ITGB3BP: variants seen among roughly 807,000 people sequenced by gnomAD.
The protein encoded by ITGB3BP is centromere protein R.
ITGB3BP carries 27 observed loss-of-function variants against 29.1 expected under a neutral mutation model. That is an observed-to-expected ratio of 0.93 (90% CI 0.68 to 1.28). The LOEUF (loss-of-function observed/expected upper bound fraction) is 1.28, where lower values mean the gene tolerates loss of function less well. Ranked by LOEUF, ITGB3BP falls within the 50% of genes most tolerant of loss-of-function variation. The pLI is 0.00. For synonymous variants in ITGB3BP, 61 were observed against 61.4 expected (o/e 0.99, Z 0.03); for missense variants, 192 against 200.2 (o/e 0.96, Z 0.25).
chr1:63,457,545 C>T (rs1206103070), intron 4 of ITGB3BP: 2 of 152,120 alleles, frequency 1.3e-5, no homozygotes, highest in Non-Finnish European at 2.9e-5. Flanking sequence ...AACCAACGAT[C>T]TTTCATTTCT....
chr1:63,458,797 C>T (rs559465505), intron 4 of ITGB3BP, among the ~76,000 whole-genome samples: 1 of 152,132 alleles, frequency 6.6e-6, no homozygotes, highest in African/African-American at 2.4e-5. Context: ...TGGGAGGGAC[C>T]CAGTAACTAT....
At chr1:63,470,052 T>C (rs1557621652) in intron 4 of ITGB3BP, among the ~76,000 whole-genome samples, 1 of 152,262 alleles carries the variant, frequency 6.6e-6, no homozygotes, top group African/African-American at 2.4e-5. Context: ...TAGCCCAACC[T>C]ATTCCTTTAA....
At chr1:63,501,791 G>T (rs1409697268) in intron 2 of ITGB3BP, among the ~76,000 whole-genome samples, 1 of 152,010 alleles carries the variant, frequency 6.6e-6, no homozygotes, top group African/African-American at 2.4e-5. Flanking sequence ...GAGCCCAGAA[G>T]GTTGAGGCTG....
chr1:63,510,709 G>A (rs1341266473), intron 1 of ITGB3BP, among the ~76,000 whole-genome samples: 1 of 152,152 alleles, frequency 6.6e-6, no homozygotes, highest in Non-Finnish European at 1.5e-5. Flanking sequence ...TCTTGAGGGA[G>A]AGAAACTCAG....
intron 7 of ITGB3BP, 45 bp from the exon 8 acceptor site, chr1:63,446,901 A>G: frequency 8.7e-7 from 1 of 1,151,624 alleles, no homozygotes; most frequent in Non-Finnish European, 1.3e-6. Context: ...AACAATTCAA[A>G]GCAACTTGCC....
intron 3 of ITGB3BP, among the ~76,000 whole-genome samples, chr1:63,479,106 G>C (rs890430663): frequency 1.3e-5 from 2 of 151,920 alleles, no homozygotes; most frequent in Non-Finnish European, 2.9e-5. Context: ...CTATAATTAG[G>C]TTAAAATGCA....
chr1:63,444,632 GAT>G (rs1362539231), intron 8 of ITGB3BP, among the ~76,000 whole-genome samples: 1 of 105,452 alleles, frequency 9.5e-6, no homozygotes, highest in East Asian at 3.1e-4. Flanking sequence ...ACATATAGGA[GAT>G]ATATATATAT....
Position 63,523,218 on chromosome 1 carries a change from C to G in ITGB3BP, c.-85G>C. 3.8e-6 allele frequency: 6 copies of G among 1,592,538 alleles called. No homozygotes were observed. Among genetic ancestry groups the G allele is most frequent in the Non-Finnish European group, 5.2e-6 (6 of 1,162,666 alleles). On this transcript the variant is annotated 5_prime_UTR_variant, in exon 1 of 9. Coordinates refer to ENST00000271002, the MANE Select transcript of ITGB3BP (RefSeq NM_014288.5). ...ACAGAAAATCCGCCAAAGGAAACGCCAAGGCATGAAAAGCGCGCGCTGGAC... is the reference window on the plus strand; with the variant it reads ...ACAGAAAATCCGCCAAAGGAAACGCGAAGGCATGAAAAGCGCGCGCTGGAC...
Position 63,478,819 on chromosome 1 carries a change from A to T in ITGB3BP, c.199T>A (p.Leu67Met). ...NGLSNEKRKK[L>M]NHPSLTESKE... ...CTTTCAGTTAAACTGGGGTGATTCA[A>T]TTTTTTTCTCTTTTCTATATATGTG... The change falls in exon 4 of 9, where the codon TTG (leucine) becomes ATG (methionine). Residue 67 changes from leucine (L) to methionine (M), a missense_variant. Physicochemically the swap from Leu to Met is conservative, Grantham distance 15. Transcript: ENST00000271002. 1 of 1,389,872 alleles carries T rather than the reference A, an allele frequency of 7.2e-7. No individual in the cohort carries two copies. Among genetic ancestry groups the T allele is most frequent in the Non-Finnish European group, 9.8e-7 (1 of 1,020,218 alleles). The allele number at this position is 1,389,872 out of a possible 1,614,324, so 86.1% of individuals were successfully genotyped here. A position where few individuals can be genotyped will look rare whatever the true frequency, so the allele number is the denominator to read the frequency against.
chr1:63,522,896 GA>G (rs1446183102), intron 1 of ITGB3BP: 2 of 703,592 alleles, frequency 2.8e-6, no homozygotes, highest in Non-Finnish European at 5.2e-6. Context: ...CACAGTTTAC[GA>G]AATCTGTCAA....
chr1:63,517,163 A>G (rs886632211), intron 1 of ITGB3BP, among the ~76,000 whole-genome samples: 3 of 152,118 alleles, frequency 2.0e-5, no homozygotes, highest in African/African-American at 7.2e-5. Context: ...AAAAAGATCC[A>G]TTTTAAACAG....
chr1:63,443,085 A>C (rs1349372794), intron 8 of ITGB3BP: 4 of 152,184 alleles, frequency 2.6e-5, no homozygotes, highest in African/African-American at 9.7e-5. Flanking sequence ...AGTCCTCCCC[A>C]CTGAACAATT....
chr1:63,486,780 A>G (rs1040215005), intron 3 of ITGB3BP, among the ~76,000 whole-genome samples: 1 of 152,038 alleles, frequency 6.6e-6, no homozygotes, highest in Non-Finnish European at 1.5e-5. Context: ...AGCCCTAAAC[A>G]TGATGAAAAA....
At chr1:63,479,491 G>A (rs952002968) in intron 3 of ITGB3BP, among the ~76,000 whole-genome samples, 1 of 152,046 alleles carries the variant, frequency 6.6e-6, no homozygotes, top group African/African-American at 2.4e-5. Context: ...CAATTTTCAA[G>A]TATATAATAT....
At chr1:63,494,726 T>C (rs988211963) in intron 2 of ITGB3BP, among the ~76,000 whole-genome samples, 1 of 152,220 alleles carries the variant, frequency 6.6e-6, no homozygotes, top group African/African-American at 2.4e-5. Flanking sequence ...TTTGTAGTAA[T>C]TATTTTTTCA....
rs542676316 is a variant in ITGB3BP, at chr1:63,487,947, C to T, written c.184+2136G>A. On this transcript the variant is annotated intron_variant, in intron 3 of 8. Transcript: ENST00000271002. ...AGCTCCATTATAATCTTGGGGGACC[C>T]CTGATGTGTATACAGTCTGTCACTG... 3.3e-5 allele frequency among the ~76,000 whole-genome samples: 5 copies of T among 152,110 alleles called. No individual in the cohort carries two copies. In the South Asian group the frequency reaches 1.0e-3, roughly 32 times the overall value.
At chr1:63,453,628 G>T in intron 7 of ITGB3BP, 1 of 246,084 alleles carries the variant, frequency 4.1e-6, no homozygotes, top group Non-Finnish European at 7.7e-6. Flanking sequence ...TTCTCAAAAA[G>T]AAATTTTAAT....
At chr1:63,502,000 AGAAGTATGCTCTTCTCTT>A in intron 2 of ITGB3BP, among the ~76,000 whole-genome samples, 1 of 152,202 alleles carries the variant, frequency 6.6e-6, no homozygotes, top group East Asian at 1.9e-4. Flanking sequence ...GGCCTTGGTA[AGAAGTATGCTCTTCTCTT>A]CCCAACCGTA....
At chr1:63,525,441 T>C (rs1403615201), upstream of ITGB3BP, 11 of 672,220 alleles carry the variant, frequency 1.6e-5, no homozygotes, top group Non-Finnish European at 2.5e-5. Flanking sequence ...ATCTTGATCT[T>C]TTCATATATG....
Sources: gnomAD v4.1 joint callset for allele counts (sites outside exome capture counted in the v4.1 genomes callset) on GRCh38, gnomAD v4.1.1 for gene constraint, MANE v1.5 for transcripts, NCBI Gene and HGNC (gene_info 2026-07-23, HGNC 2026-07-21) for gene names.